The following HS3ST3B1 variants were observed in gnomAD, a reference collection of about 807,000 sequenced individuals.
HS3ST3B1 encodes heparan sulfate-glucosamine 3-sulfotransferase 3B1, also known as heparan sulfate glucosamine 3-O-sulfotransferase 3B1.
Under a neutral mutation model 21.3 loss-of-function variants are expected in HS3ST3B1, and 13 were observed. That is an observed-to-expected ratio of 0.61 (90% CI 0.40 to 0.97). The LOEUF (loss-of-function observed/expected upper bound fraction) is 0.97. Among genes scored for constraint, HS3ST3B1 ranks in the 50% least tolerant of loss-of-function variants. The pLI is 0.00. For synonymous variants in HS3ST3B1, 234 were observed against 254.8 expected (o/e 0.92, Z 0.78); for missense variants, 459 against 554.8 (o/e 0.83, Z 1.73).
chr17:14,340,578 T>A (rs1377519561), intron 1 of HS3ST3B1, among the ~76,000 whole-genome samples: 1 of 152,106 alleles, frequency 6.6e-6, no homozygotes, highest in East Asian at 1.9e-4. Context: ...CGTGATTAAT[T>A]ACTCTTTTCT....
rs144459177 is a variant in HS3ST3B1, at chr17:14,334,800, G to T, written c.555-10228G>T. Among the ~76,000 whole-genome samples the T allele has an allele frequency of 7.1e-3, 1,083 of 152,192 alleles. 10 individuals are homozygous for T. Among genetic ancestry groups the T allele is most frequent in the African/African-American group, 0.025 (1,027 of 41,516 alleles). On this transcript the variant is annotated intron_variant, in intron 1 of 1. Coordinates refer to ENST00000360954, the MANE Select transcript of HS3ST3B1 (RefSeq NM_006041.3). Reference sequence around the variant, plus strand: ...TTTATGCCCCTCACCCAACCCCCAGGATCCCAGTGTTTTCTTTTTGAGTTT... The same window carrying T: ...TTTATGCCCCTCACCCAACCCCCAGTATCCCAGTGTTTTCTTTTTGAGTTT...
intron 1 of HS3ST3B1, among the ~76,000 whole-genome samples, chr17:14,309,655 C>A (rs540289423): frequency 6.6e-6 from 1 of 152,324 alleles, no homozygotes; most frequent in African/African-American, 2.4e-5. Flanking sequence ...CCAAGTCGAG[C>A]CTATCAGCTG....
chr17:14,319,027 T>C (rs1909580369), intron 1 of HS3ST3B1, among the ~76,000 whole-genome samples: 1 of 152,130 alleles, frequency 6.6e-6, no homozygotes, highest in African/African-American at 2.4e-5. Context: ...GTGAGGGCTG[T>C]GAGTTGTTTG....
At position 14,348,943 on chromosome 17, in the gene HS3ST3B1, T is replaced by C. The variant is rs1248563917; in HGVS notation, c.*3297T>C. Reference sequence around the variant, plus strand: ...AATTGTTTTCTTCCCAGGATTCTCTTTGGGGGTCATTTTGTGTGACAGATA... The same window carrying C: ...AATTGTTTTCTTCCCAGGATTCTCTCTGGGGGTCATTTTGTGTGACAGATA... On this transcript the variant is annotated 3_prime_UTR_variant, in exon 2 of 2. Coordinates refer to ENST00000360954, the MANE Select transcript of HS3ST3B1 (RefSeq NM_006041.3). The C allele has an allele frequency of 6.6e-6, 1 of 152,198 alleles. No individual in the cohort carries two copies. The highest frequency in any genetic ancestry group is 2.4e-5 in the African/African-American group (1 of 41,454). The allele number at this position is 152,198 out of a possible 1,614,324, so 9.4% of individuals were successfully genotyped here.
At chr17:14,339,790 G>A (rs956477621) in intron 1 of HS3ST3B1, among the ~76,000 whole-genome samples, 4 of 152,200 alleles carry the variant, frequency 2.6e-5, no homozygotes, top group African/African-American at 9.6e-5. Flanking sequence ...CCTGGGGCTG[G>A]ACAGGCTGCT....
At chr17:14,331,205 A>G (rs1466150177) in intron 1 of HS3ST3B1, among the ~76,000 whole-genome samples, 1 of 152,146 alleles carries the variant, frequency 6.6e-6, no homozygotes, top group Non-Finnish European at 1.5e-5. Flanking sequence ...GTCCCGGCAT[A>G]AACAGGAGTT....
chr17:14,302,692 C>T (rs994915043), intron 1 of HS3ST3B1, among the ~76,000 whole-genome samples: 1 of 152,004 alleles, frequency 6.6e-6, no homozygotes, highest in Non-Finnish European at 1.5e-5. Context: ...GGCGCCTCCG[C>T]CTGGCGGGCG....
chr17:14,337,999 T>C lies in HS3ST3B1; in HGVS notation c.555-7029T>C, dbSNP rs959149432. Among the ~76,000 whole-genome samples the C allele has an allele frequency of 6.6e-5, 10 of 151,548 alleles. 1 individual carries two copies. Among genetic ancestry groups the C allele is most frequent in the Admixed American group, 3.9e-4 (6 of 15,242 alleles). On this transcript the variant is annotated intron_variant, in intron 1 of 1. Transcript: ENST00000360954. ...ATTAGAATCATCTAAAAGAATCCCA[T>C]GTTGAAGCCCCACCCATCCAGGGCC...
chr17:14,322,073 C>A (rs1389662962), intron 1 of HS3ST3B1, among the ~76,000 whole-genome samples: 2 of 146,536 alleles, frequency 1.4e-5, no homozygotes, highest in Admixed American at 1.4e-4. Context: ...AAACCCAAAC[C>A]TTTTTTTTTT....
At position 14,345,009 on chromosome 17, in the gene HS3ST3B1, G is replaced by C. The variant is rs776375016; in HGVS notation, c.555-19G>C. 8 of 1,605,084 alleles carry C rather than the reference G, an allele frequency of 5.0e-6. No homozygotes were observed. The highest frequency in any genetic ancestry group is 6.8e-6 in the Non-Finnish European group (8 of 1,173,942). On this transcript the variant is annotated intron_variant, in intron 1 of 1. Coordinates refer to ENST00000360954, the MANE Select transcript of HS3ST3B1 (RefSeq NM_006041.3). The stretch of plus-strand genomic sequence containing the variant: ...AGGCGTCACCTTCTGATCCCGGTTT[G>C]TTTGCTTGCGTTTCTCAGGGACCTG...
intron 1 of HS3ST3B1, 114 bp from the exon 2 acceptor site, chr17:14,344,914 T>G: frequency 7.0e-7 from 1 of 1,432,166 alleles, no homozygotes; most frequent in Non-Finnish European, 9.3e-7. Context: ...TTTACATGTT[T>G]CTACCACTGC....
Position 14,313,124 on chromosome 17 carries a change from G to GTGTGTATATATATATATATATATATA in HS3ST3B1, c.554+11057_554+11058insATATATATATATATATATATATGTGT, listed in dbSNP as rs1567637231. ...TGTGTGTGTGTATATATATATATAT[G>GTGTGTATATATATATATATATATATA]TGTGTGTGTGTATATATATATTTTT... On this transcript the variant is annotated intron_variant, in intron 1 of 1. Transcript: ENST00000360954. Among the ~76,000 whole-genome samples, 6 of 128,828 alleles carry GTGTGTATATATATATATATATATATA rather than the reference G, an allele frequency of 4.7e-5. No homozygotes were observed. In the East Asian group the frequency reaches 7.7e-4, roughly 17 times the overall value. 84.5% of individuals were successfully genotyped at this position (128,828 alleles called of 152,430 possible).
In HS3ST3B1 at chr17:14,301,812, G is replaced by A; in HGVS notation, c.294G>A (p.Leu98=). The A allele has an allele frequency of 6.4e-7, 1 of 1,561,024 alleles. No individual in the cohort carries two copies. Among genetic ancestry groups the A allele is most frequent in the Non-Finnish European group, 8.7e-7 (1 of 1,153,066 alleles). The change falls in exon 1 of 2, where the codon CTG becomes CTA. Residue 98 remains leucine, a synonymous_variant. Coordinates refer to ENST00000360954, the MANE Select transcript of HS3ST3B1 (RefSeq NM_006041.3). The part of the protein sequence containing the change: ...LPFRAPPATP[L]ASGKEMAEGA... ...TCCGGGCGCCGCCAGCCACCCCACTGGCTTCAGGCAAGGAGATGGCCGAGG... is the reference window on the plus strand; with the variant it reads ...TCCGGGCGCCGCCAGCCACCCCACTAGCTTCAGGCAAGGAGATGGCCGAGG...
At chr17:14,326,689 CG>C (rs1374875227) in intron 1 of HS3ST3B1, among the ~76,000 whole-genome samples, 1 of 151,820 alleles carries the variant, frequency 6.6e-6, no homozygotes, top group Non-Finnish European at 1.5e-5. Flanking sequence ...GAGGCCGAGG[CG>C]GGTGGATCAC....
chr17:14,309,162 G>A (rs528898639), intron 1 of HS3ST3B1, among the ~76,000 whole-genome samples: 171 of 152,350 alleles, frequency 1.1e-3, no homozygotes, highest in African/African-American at 3.8e-3. Context: ...GTGGCCGGGG[G>A]CGCTACCACG....
rs149774468 is a variant in HS3ST3B1, at chr17:14,315,495, C to T, written c.554+13423C>T. Among the ~76,000 whole-genome samples the T allele has an allele frequency of 6.6e-5, 10 of 152,304 alleles. 1 individual carries two copies. In the East Asian group the frequency reaches 1.9e-3, roughly 29 times the overall value. ...TTTGTGGGGAGTCCTGCAGACCACA[C>T]TTTGAGATGCGCTATTCCACGTTTC... On this transcript the variant is annotated intron_variant, in intron 1 of 1. Transcript: ENST00000360954.
Position 14,307,113 on chromosome 17 carries a change from T to G in HS3ST3B1, c.554+5041T>G, listed in dbSNP as rs372978682. On this transcript the variant is annotated intron_variant, in intron 1 of 1. Transcript: ENST00000360954. ...GTTTTAGATAAATATGATGCTAAAA[T>G]ATATGAATTAGATTACACTTATTAT... Among the ~76,000 whole-genome samples the G allele has an allele frequency of 7.2e-4, 110 of 152,328 alleles. 2 individuals are homozygous for G. In the South Asian group the frequency reaches 0.017, roughly 23 times the overall value.
rs1002237872 is a variant in HS3ST3B1, at chr17:14,348,648, C to T, written c.*3002C>T. 9.2e-5 allele frequency: 14 copies of T among 152,128 alleles called. No individual in the cohort carries two copies. Among genetic ancestry groups the T allele is most frequent in the Admixed American group, 5.2e-4 (8 of 15,258 alleles). 9.4% of individuals were successfully genotyped at this position (152,128 alleles called of 1,614,324 possible). On this transcript the variant is annotated 3_prime_UTR_variant, in exon 2 of 2. Coordinates refer to ENST00000360954, the MANE Select transcript of HS3ST3B1 (RefSeq NM_006041.3). ...TCTGTTTCGGCAATTTGTCCTGGCA[C>T]GTGTTTTGGACTTCCTCCGATTTAC...
chr17:14,324,484 C>T (rs78565071), intron 1 of HS3ST3B1, among the ~76,000 whole-genome samples: 2,732 of 152,262 alleles, frequency 0.018, 99 homozygotes, highest in African/African-American at 0.062. Context: ...CTCCTGGCCC[C>T]AAGTAATCCT....
Sources: gnomAD v4.1 joint callset for allele counts (sites outside exome capture counted in the v4.1 genomes callset) on GRCh38, gnomAD v4.1.1 for gene constraint, MANE v1.5 for transcripts, NCBI Gene and HGNC (gene_info 2026-07-23, HGNC 2026-07-21) for gene names.